ERC1: variants seen among roughly 807,000 people sequenced by gnomAD.
ERC1 encodes ELKS/RAB6-interacting/CAST family member 1, also known as RAB6 interacting protein 2.
In ERC1, 56 loss-of-function variants were observed where a neutral mutation model predicts 132.0. The ratio of observed to expected loss-of-function variants is 0.42; its 90% CI spans 0.34 to 0.53. The LOEUF (loss-of-function observed/expected upper bound fraction) is 0.53, where lower values mean the gene tolerates loss of function less well. ERC1 is among the 20% of genes least tolerant of loss of function. The pLI is 0.03. For synonymous variants in ERC1, 478 were observed against 476.1 expected, an observed-to-expected ratio of 1.00 and a Z score of -0.05; for missense variants, 1,202 against 1,349.9, an observed-to-expected ratio of 0.89 and a Z score of 1.72.
intron 12 of ERC1, among the ~76,000 whole-genome samples, chr12:1,195,384 A>G (rs1475137084): frequency 6.6e-6 from 1 of 152,170 alleles, no homozygotes; most frequent in Non-Finnish European, 1.5e-5. Context: ...CTACTTTCCC[A>G]TTCTAACACA....
chr12:1,380,566 C>T (rs2088530304), intron 16 of ERC1: 1 of 152,258 alleles, frequency 6.6e-6, no homozygotes, highest in African/African-American at 2.4e-5. Context: ...TGTGAATGAA[C>T]ACGTAACTCT....
intron 14 of ERC1, among the ~76,000 whole-genome samples, chr12:1,276,449 A>G (rs1234830873): frequency 3.3e-5 from 5 of 151,982 alleles, no homozygotes; most frequent in Non-Finnish European, 5.9e-5. Context: ...TATGTTGACC[A>G]GGCTGGTCTC....
chr12:1,092,289 G>A (rs1425682829), intron 3 of ERC1, among the ~76,000 whole-genome samples: 1 of 152,168 alleles, frequency 6.6e-6, no homozygotes, highest in Non-Finnish European at 1.5e-5. Flanking sequence ...GAGCCACCGC[G>A]CCCGGCCCAC....
At chr12:1,169,099 T>A (rs1469238194) in intron 8 of ERC1, among the ~76,000 whole-genome samples, 1 of 152,208 alleles carries the variant, frequency 6.6e-6, no homozygotes, top group Non-Finnish European at 1.5e-5. Flanking sequence ...TCATAAAATA[T>A]GTGTATGGTT....
At chr12:1,438,113 C>G (rs535757184) in intron 17 of ERC1, among the ~76,000 whole-genome samples, 1 of 152,186 alleles carries the variant, frequency 6.6e-6, no homozygotes, top group South Asian at 2.1e-4. Flanking sequence ...GAACTCCATT[C>G]TTTCACAAAA....
chr12:1,112,471 A>T (rs185389622), intron 6 of ERC1, among the ~76,000 whole-genome samples, 173 bp downstream of exon 6: 39 of 152,178 alleles, frequency 2.6e-4, no homozygotes, highest in African/African-American at 8.9e-4. Context: ...CACTAGTTTG[A>T]CCCACATGTC....
intron 12 of ERC1, among the ~76,000 whole-genome samples, chr12:1,206,066 A>G (rs984960030): frequency 3.9e-5 from 6 of 152,118 alleles, no homozygotes; most frequent in Non-Finnish European, 2.9e-5. Flanking sequence ...AATCATACTT[A>G]TTTCTAAATA....
intron 15 of ERC1, among the ~76,000 whole-genome samples, chr12:1,326,234 T>C (rs560763825): frequency 6.6e-6 from 1 of 152,266 alleles, no homozygotes; most frequent in South Asian, 2.1e-4. Flanking sequence ...TCAAGACATT[T>C]TACTCAAAGA....
intron 2 of ERC1, among the ~76,000 whole-genome samples, chr12:1,037,051 CAG>C (rs1302037909): frequency 2.0e-5 from 3 of 152,154 alleles, no homozygotes; most frequent in African/African-American, 4.8e-5. Flanking sequence ...GTATTTAAAT[CAG>C]TGTGGGAAAT....
chr12:1,070,295 TTTTTTTCTTTTC>T (rs1940096012), intron 2 of ERC1, among the ~76,000 whole-genome samples: 2 of 148,692 alleles, frequency 1.3e-5, no homozygotes, highest in African/African-American at 2.4e-5. Context: ...TCTTACTTTC[TTTTTTTCTTTTC>T]TTTTTTTTTT....
chr12:1,372,069 T>TGAGACCTTAAA, intron 16 of ERC1, 92 bp downstream of exon 16: 1 of 1,395,572 alleles, frequency 7.2e-7, no homozygotes, highest in Non-Finnish European at 9.5e-7. Flanking sequence ...TAAGGTCTCA[T>TGAGACCTTAAA]GTTTCATATT....
chr12:1,273,077 A>AAGGG (rs1387524328), intron 14 of ERC1, among the ~76,000 whole-genome samples: 1 of 152,012 alleles, frequency 6.6e-6, no homozygotes, highest in African/African-American at 2.4e-5. Context: ...TTCCAGAAGG[A>AAGGG]AGGGAGGGAG....
chr12:1,237,284 A>G (rs534749129), intron 13 of ERC1, among the ~76,000 whole-genome samples: 19 of 151,738 alleles, frequency 1.3e-4, no homozygotes, highest in African/African-American at 4.6e-4. Flanking sequence ...CCTTTTTTCT[A>G]TTCTTCCTTT....
chr12:1,304,932 G>A (rs920544681), intron 15 of ERC1, among the ~76,000 whole-genome samples: 1 of 151,294 alleles, frequency 6.6e-6, no homozygotes, highest in Non-Finnish European at 1.5e-5. Context: ...TGGGACTACA[G>A]GCGCCCGCCC....
At chr12:1,311,923 A>G (rs1206680864) in intron 15 of ERC1, among the ~76,000 whole-genome samples, 1 of 152,198 alleles carries the variant, frequency 6.6e-6, no homozygotes, top group Admixed American at 6.5e-5. Flanking sequence ...TATATGATTG[A>G]ATTTCCACTA....
At chr12:1,126,188 T>G (rs1448763316) in intron 7 of ERC1, among the ~76,000 whole-genome samples, 2 of 152,186 alleles carry the variant, frequency 1.3e-5, no homozygotes, top group African/African-American at 2.4e-5. Context: ...AAAGCTATTC[T>G]AACATTAAAC....
At chr12:1,413,998 A>T (rs1013165449) in intron 17 of ERC1, among the ~76,000 whole-genome samples, 2 of 152,140 alleles carry the variant, frequency 1.3e-5, no homozygotes, top group Non-Finnish European at 2.9e-5. Context: ...CATCAGTTAG[A>T]TTCTCATCAG....
chr12:1,154,107 A>G (rs1566097333), intron 8 of ERC1, among the ~76,000 whole-genome samples: 1 of 151,646 alleles, frequency 6.6e-6, no homozygotes, highest in African/African-American at 2.4e-5. Context: ...TCCATTCCTG[A>G]GTTACTTCAC....
rs769761351 is a variant in ERC1 at position 1,448,733 on chromosome 12, A to G, written c.3213+3983A>G. On this transcript the variant is annotated intron_variant, in intron 18 of 18. Transcript: ENST00000360905. ...CAGGACAAGAACTTTGTCTTTTTCAATGCTAGGGCAGTGCAGAAGGGAAAT... is the reference window on the plus strand; with the variant it reads ...CAGGACAAGAACTTTGTCTTTTTCAGTGCTAGGGCAGTGCAGAAGGGAAAT... 1.8e-4 allele frequency among the ~76,000 whole-genome samples: 27 copies of G among 152,348 alleles called. No individual in the cohort carries two copies. In the Middle Eastern group the frequency reaches 0.014, roughly 77 times the overall value.
Sources: allele counts gnomAD v4.1 joint callset (sites outside exome capture counted in the v4.1 genomes callset), GRCh38; gene constraint gnomAD v4.1.1; transcripts MANE v1.5; gene names NCBI Gene and HGNC (gene_info 2026-07-23, HGNC 2026-07-21).